PTPRZ1: variants seen among roughly 807,000 people sequenced by gnomAD.
PTPRZ1 encodes the protein protein tyrosine phosphatase receptor type Z1, also known as receptor-type tyrosine-protein phosphatase zeta.
A neutral mutation model predicts 214.1 loss-of-function variants in PTPRZ1; 82 were observed. That is an observed-to-expected ratio of 0.38 (90% CI 0.32 to 0.46). The LOEUF (loss-of-function observed/expected upper bound fraction) is 0.46, where lower values mean the gene tolerates loss of function less well. Among genes scored for constraint, PTPRZ1 ranks in the 20% least tolerant of loss-of-function variants. The pLI is 1.00. For missense variants in PTPRZ1, 2,603 were observed against 2,748.7 expected, an observed-to-expected ratio of 0.95 and a Z score of 1.19; for synonymous variants, 945 against 987.9, an observed-to-expected ratio of 0.96 and a Z score of 0.81.
At chr7:121,927,120 G>A (rs1213954878) in intron 1 of PTPRZ1, among the ~76,000 whole-genome samples, 1 of 152,134 alleles carries the variant, frequency 6.6e-6, no homozygotes, top group Non-Finnish European at 1.5e-5. Context: ...GAAAACAAAT[G>A]TATAAAGAGA....
At position 122,031,466 on chromosome 7, in the gene PTPRZ1, T is replaced by G. The variant is rs534135481; in HGVS notation, c.5081-8T>G. The stretch of plus-strand genomic sequence containing the variant: ...ATGCTCTCTAACACAATTTTTTTAT[T>G]CACGTAGATGATGTCGGAGCAATTC... On this transcript the variant is annotated splice_region_variant and splice_polypyrimidine_tract_variant and intron_variant, in intron 14 of 29. Transcript: ENST00000393386. 1.2e-6 allele frequency: 2 copies of G among 1,605,288 alleles called. No individual in the cohort carries two copies. Among genetic ancestry groups the G allele is most frequent in the African/African-American group, 2.7e-5 (2 of 74,806 alleles).
intron 13 of PTPRZ1, among the ~76,000 whole-genome samples, chr7:122,020,147 T>C (rs1467894437): frequency 1.3e-5 from 2 of 152,194 alleles, no homozygotes; most frequent in African/African-American, 4.8e-5. Flanking sequence ...CTTTATGTGT[T>C]CTCTCAAAAT....
At chr7:122,029,947 G>A (rs1799324808) in intron 14 of PTPRZ1, among the ~76,000 whole-genome samples, 1 of 151,780 alleles carries the variant, frequency 6.6e-6, no homozygotes, top group Non-Finnish European at 1.5e-5. Flanking sequence ...GCCATATTCA[G>A]AATTTTTAGA....
At chr7:121,890,521 G>A (rs1160746310) in intron 1 of PTPRZ1, among the ~76,000 whole-genome samples, 2 of 151,990 alleles carry the variant, frequency 1.3e-5, no homozygotes, top group East Asian at 3.9e-4. Context: ...AATCAGCCAG[G>A]GTGATTTTGT....
intron 6 of PTPRZ1, among the ~76,000 whole-genome samples, chr7:121,979,278 G>A (rs1412653236): frequency 6.6e-6 from 1 of 151,968 alleles, no homozygotes; most frequent in Non-Finnish European, 1.5e-5. Flanking sequence ...GAGAGAGAGA[G>A]AGCATGATGT....
At chr7:121,894,408 CT>C (rs577180884) in intron 1 of PTPRZ1, among the ~76,000 whole-genome samples, 2 of 151,846 alleles carry the variant, frequency 1.3e-5, no homozygotes, top group African/African-American at 2.4e-5. Flanking sequence ...TTAAATTGTG[CT>C]TTTTTTTATT....
chr7:121,905,552 G>T (rs1322573260), intron 1 of PTPRZ1, among the ~76,000 whole-genome samples: 1 of 151,700 alleles, frequency 6.6e-6, no homozygotes, highest in Non-Finnish European at 1.5e-5. Context: ...ACATCTATAG[G>T]GAGATTCAAA....
intron 27 of PTPRZ1, among the ~76,000 whole-genome samples, chr7:122,057,967 T>TGTATATATATACATATATATATAC (rs775308294): frequency 0.011 from 294 of 27,416 alleles, 1 homozygote; most frequent in African/African-American, 0.016. Flanking sequence ...TGTGTGTGTG[T>TGTATATATATACATATATATATAC]GTATATATAT....
At chr7:121,949,363 T>G (rs1354996988) in intron 2 of PTPRZ1, among the ~76,000 whole-genome samples, 1 of 152,134 alleles carries the variant, frequency 6.6e-6, no homozygotes, top group Non-Finnish European at 1.5e-5. Flanking sequence ...GGCCCCAAGT[T>G]TTTTTTCCTT....
Position 122,010,800 on chromosome 7 carries a change from A to G in PTPRZ1, c.1754A>G (p.Asp585Gly). 6.2e-7 allele frequency: 1 copy of G among 1,614,066 alleles called. No individual in the cohort carries two copies. The highest frequency in any genetic ancestry group is 8.5e-7 in the Non-Finnish European group (1 of 1,179,982). Residue 585 changes from aspartate (D) to glycine (G), a missense_variant, in exon 12 of 30, where the codon GAT (aspartate) becomes GGT (glycine). Transcript: ENST00000393386. ...TTCAAGCTTGATACTGGAGCTGAAG[A>G]TTCTTCAGGCTCCAGTCCCGCAACT... The part of the protein sequence containing the change: ...TSFKLDTGAE[D>G]SSGSSPATSA...
At chr7:122,059,686 T>C in intron 28 of PTPRZ1, 67 bp from the exon 29 acceptor site, 2 of 1,516,804 alleles carry the variant, frequency 1.3e-6, no homozygotes, top group Non-Finnish European at 8.8e-7. Flanking sequence ...ATATGCTTTG[T>C]GAGTTCTAAA....
At chr7:121,929,560 C>T (rs562797231) in intron 2 of PTPRZ1, among the ~76,000 whole-genome samples, 146 of 150,264 alleles carry the variant, frequency 9.7e-4, no homozygotes, top group Non-Finnish European at 9.1e-4. Context: ...GTAATCCCAG[C>T]ACTTTGGGAG....
chr7:121,934,482 C>T (rs1412008578), intron 2 of PTPRZ1, among the ~76,000 whole-genome samples: 1 of 104,846 alleles, frequency 9.5e-6, no homozygotes, highest in Non-Finnish European at 1.8e-5. Flanking sequence ...AGCGAGACTC[C>T]GTCTCAAAAA....
In PTPRZ1 at chr7:121,873,290, ACTGTCTCTCT is replaced by A; in HGVS notation, c.-201_-192del. The A allele has an allele frequency of 2.0e-6, 1 of 512,094 alleles. No individual in the cohort carries two copies. Among genetic ancestry groups the A allele is most frequent in the South Asian group, 3.2e-5 (1 of 31,298 alleles). The allele number at this position is 512,094 out of a possible 1,614,324, so 31.7% of individuals were successfully genotyped here. ...GATTATTCCTCTCTCGCTGTCTCTG[ACTGTCTCTCT>A]CTGTCTCTGTCTCTGTCTCTCTCTC... On this transcript the variant is annotated 5_prime_UTR_variant, in exon 1 of 30. Coordinates refer to ENST00000393386, the MANE Select transcript of PTPRZ1 (RefSeq NM_002851.3).
intron 10 of PTPRZ1, among the ~76,000 whole-genome samples, chr7:122,003,434 C>T (rs1242058115): frequency 6.6e-6 from 1 of 152,100 alleles, no homozygotes; most frequent in African/African-American, 2.4e-5. Context: ...CATAAATTCT[C>T]ATTTTATGGT....
At chr7:121,938,531 G>A (rs1263605083) in intron 2 of PTPRZ1, among the ~76,000 whole-genome samples, 1 of 152,208 alleles carries the variant, frequency 6.6e-6, no homozygotes, top group East Asian at 1.9e-4. Context: ...TTAAGCTCCT[G>A]CCTTCCCATA....
intron 23 of PTPRZ1, among the ~76,000 whole-genome samples, chr7:122,045,590 T>A (rs1037276928): frequency 1.3e-5 from 2 of 151,834 alleles, no homozygotes; most frequent in African/African-American, 4.8e-5. Flanking sequence ...AAGGAATGCC[T>A]TAGGGGGGAA....
chr7:121,913,844 ATATT>A (rs148364297), intron 1 of PTPRZ1, among the ~76,000 whole-genome samples: 3,121 of 152,324 alleles, frequency 0.02, 69 homozygotes, highest in African/African-American at 0.05. Context: ...TCACACATAT[ATATT>A]AAGTAAAGAA....
At chr7:121,997,540 T>C (rs1335318422) in intron 9 of PTPRZ1, among the ~76,000 whole-genome samples, 2 of 152,166 alleles carry the variant, frequency 1.3e-5, no homozygotes, top group Non-Finnish European at 2.9e-5. Context: ...ACATTGCTCC[T>C]TGTTTGCAAA....
Sources: gnomAD v4.1 joint callset for allele counts (sites outside exome capture counted in the v4.1 genomes callset) on GRCh38, gnomAD v4.1.1 for gene constraint, MANE v1.5 for transcripts, NCBI Gene and HGNC (gene_info 2026-07-23, HGNC 2026-07-21) for gene names.